The following ACOXL variants were observed in gnomAD, a reference collection of about 807,000 sequenced individuals.
ACOXL encodes acyl-coenzyme A oxidase-like protein.
ACOXL carries 70 observed loss-of-function variants against 71.9 expected under a neutral mutation model. The ratio of observed to expected loss-of-function variants is 0.97; its 90% CI spans 0.80 to 1.19. The LOEUF (loss-of-function observed/expected upper bound fraction) is 1.19, where lower values mean the gene tolerates loss of function less well. ACOXL is among the 50% of genes most tolerant of loss of function. The pLI is 0.00. For synonymous variants in ACOXL, 253 were observed against 281.6 expected (o/e 0.90, Z 1.02); for missense variants, 703 against 736.3 (o/e 0.95, Z 0.52).
Position 110,977,467 on chromosome 2 carries a change from CAAAG to C in ACOXL, c.1060-9636_1060-9633del, listed in dbSNP as rs746302483. Among the ~76,000 whole-genome samples, 62 of 152,004 alleles carry C rather than the reference CAAAG, an allele frequency of 4.1e-4. 1 individual carries two copies. The South Asian group carries it at 4.2e-3, about 10-fold the overall frequency. ...AGGGAAGAAAAGGAATGAAGAGTGA[CAAAG>C]AAAGGAAGGGCTTTTCAAGAGAACA... On this transcript the variant is annotated intron_variant, in intron 12 of 17. Transcript: ENST00000439055.
chr2:110,760,717 G>A (rs1680293763), intron 1 of ACOXL, among the ~76,000 whole-genome samples: 1 of 152,176 alleles, frequency 6.6e-6, no homozygotes, highest in East Asian at 1.9e-4. Flanking sequence ...TCACCCGCAA[G>A]CATGGTAGTC....
At chr2:110,772,520 G>C (rs1682082296) in intron 2 of ACOXL, among the ~76,000 whole-genome samples, 1 of 152,158 alleles carries the variant, frequency 6.6e-6, no homozygotes. Context: ...CCAGGAGGGA[G>C]CCAGCTGGGA....
chr2:110,896,841 A>G (rs1269545158), intron 10 of ACOXL, among the ~76,000 whole-genome samples: 1 of 152,198 alleles, frequency 6.6e-6, no homozygotes, highest in Non-Finnish European at 1.5e-5. Flanking sequence ...AGTCAGCATG[A>G]ATATAGAAAA....
At chr2:111,024,450 G>GGA (rs2064922268) in intron 14 of ACOXL, among the ~76,000 whole-genome samples, 1 of 152,086 alleles carries the variant, frequency 6.6e-6, no homozygotes, top group East Asian at 1.9e-4. Context: ...AAGGAATGTT[G>GGA]GAGACCACTG....
intron 10 of ACOXL, among the ~76,000 whole-genome samples, chr2:110,857,294 G>A (rs1427657092): frequency 3.3e-5 from 5 of 152,144 alleles, no homozygotes; most frequent in African/African-American, 1.2e-4. Flanking sequence ...TCATTTTTTA[G>A]CAGCATGGAA....
chr2:111,092,418 T>C (rs2068576071), intron 16 of ACOXL, among the ~76,000 whole-genome samples: 1 of 152,184 alleles, frequency 6.6e-6, no homozygotes, highest in South Asian at 2.1e-4. Flanking sequence ...GGAATGCTAT[T>C]TTTTGTGAAA....
In ACOXL at chr2:110,893,041, T is replaced by G. The variant is rs995611033; in HGVS notation, c.789-15748T>G. ...AGTTAAAACAAACCACAGAGTAACA[T>G]AGGCAAAGTACAATAAGTGACCCAA... On this transcript the variant is annotated intron_variant, in intron 10 of 17. Coordinates refer to ENST00000439055, the MANE Select transcript of ACOXL (RefSeq NM_001142807.4). Among the ~76,000 whole-genome samples the G allele has an allele frequency of 2.0e-5, 3 of 152,142 alleles. No homozygotes were observed. The South Asian group carries it at 6.2e-4, about 31-fold the overall frequency.
chr2:110,841,805 T>G lies in ACOXL; in HGVS notation c.788+400T>G, dbSNP rs1252003234. On this transcript the variant is annotated intron_variant, in intron 10 of 17. Coordinates refer to ENST00000439055, the MANE Select transcript of ACOXL (RefSeq NM_001142807.4). ...CCCTTGCCACCTTCCATGCCAGGCC[T>G]CTCTCTCTGTGTCTTAGGATGCCTG... Among the ~76,000 whole-genome samples, 4 of 152,148 alleles carry G rather than the reference T, an allele frequency of 2.6e-5. No homozygotes were observed. The East Asian group carries it at 7.7e-4, about 29-fold the overall frequency.
intron 10 of ACOXL, among the ~76,000 whole-genome samples, chr2:110,889,167 T>C (rs1238161046): frequency 6.6e-6 from 1 of 152,222 alleles, no homozygotes; most frequent in Non-Finnish European, 1.5e-5. Context: ...TAGAACCTAC[T>C]AGCACTCTGT....
intron 3 of ACOXL, among the ~76,000 whole-genome samples, chr2:110,787,817 G>C (rs902557691): frequency 2.0e-5 from 3 of 152,022 alleles, no homozygotes; most frequent in East Asian, 3.9e-4. Context: ...TCCAGCTAAC[G>C]TGTCCTTCCC....
intron 15 of ACOXL, among the ~76,000 whole-genome samples, chr2:111,048,903 TAG>T (rs758554329): frequency 8.5e-5 from 13 of 152,076 alleles, no homozygotes; most frequent in Admixed American, 6.5e-5. Context: ...GAAATGGAGA[TAG>T]AGTGTCATCT....
At chr2:111,023,422 C>T (rs896465496) in intron 14 of ACOXL, among the ~76,000 whole-genome samples, 11 of 152,258 alleles carry the variant, frequency 7.2e-5, no homozygotes, top group African/African-American at 1.9e-4. Context: ...TGCACTCCCT[C>T]AGGTTTCTGC....
chr2:110,959,128 G>T (rs145692028), intron 12 of ACOXL, among the ~76,000 whole-genome samples: 2,277 of 152,334 alleles, frequency 0.015, 18 homozygotes, highest in Non-Finnish European at 0.023. Context: ...AGTGTGAATG[G>T]CCCCTTGGCC....
rs906447180 is a variant in ACOXL, at chr2:111,020,568, C to T, written c.1282-11059C>T. On this transcript the variant is annotated intron_variant, in intron 14 of 17. Transcript: ENST00000439055. The stretch of plus-strand genomic sequence containing the variant: ...GATATGGTTCAGGATAGCGGGAAGC[C>T]GTGTGTGTGTGCACATGTGCATGTG... Among the ~76,000 whole-genome samples the T allele has an allele frequency of 5.9e-5, 9 of 152,082 alleles. No individual in the cohort carries two copies. The East Asian group carries it at 1.5e-3, about 26-fold the overall frequency.
Position 110,818,443 on chromosome 2 carries a change from GTGTGTGTGTA to G in ACOXL, c.753+13050_753+13059del, listed in dbSNP as rs1330095318. On this transcript the variant is annotated intron_variant, in intron 9 of 17. Coordinates refer to ENST00000439055, the MANE Select transcript of ACOXL (RefSeq NM_001142807.4). ...TATATATGTGTGTGTGTGTGTGTGT[GTGTGTGTGTA>G]TATATATATATATGTATATGTGTAT... 1.4e-4 allele frequency among the ~76,000 whole-genome samples: 21 copies of G among 146,566 alleles called. 1 individual carries two copies. In the South Asian group the frequency reaches 3.9e-3, roughly 27 times the overall value.
At chr2:110,779,115 C>T (rs1210749847) in intron 2 of ACOXL, among the ~76,000 whole-genome samples, 1 of 152,150 alleles carries the variant, frequency 6.6e-6, no homozygotes, top group Admixed American at 6.5e-5. Flanking sequence ...GCAATAATGT[C>T]GTGAAAAGAG....
intron 11 of ACOXL, among the ~76,000 whole-genome samples, chr2:110,909,767 G>A (rs970965807): frequency 6.6e-6 from 1 of 150,766 alleles, no homozygotes; most frequent in South Asian, 2.1e-4. Flanking sequence ...TTGCCCAGGC[G>A]TCGCTGGCAT....
chr2:110,861,515 T>C (rs1693953076), intron 10 of ACOXL, among the ~76,000 whole-genome samples: 1 of 151,720 alleles, frequency 6.6e-6, no homozygotes, highest in African/African-American at 2.4e-5. Flanking sequence ...TCCCCCCACT[T>C]CCCCTCACAT....
intron 10 of ACOXL, among the ~76,000 whole-genome samples, chr2:110,846,675 A>ACACACACACACACACACACACACT (rs1691915185): frequency 6.6e-6 from 1 of 151,514 alleles, no homozygotes; most frequent in Admixed American, 6.6e-5. Flanking sequence ...ACACACACAC[A>ACACACACACACACACACACACACT]GTGTAACACA....
Sources: allele counts gnomAD v4.1 joint callset (sites outside exome capture counted in the v4.1 genomes callset), GRCh38; gene constraint gnomAD v4.1.1; transcripts MANE v1.5; gene names NCBI Gene and HGNC (gene_info 2026-07-23, HGNC 2026-07-21).